Variants in MEGF9 observed in about 807,000 individuals in gnomAD.
MEGF9 encodes multiple epidermal growth factor-like domains protein 9.
In MEGF9, 6 loss-of-function variants were observed where a neutral mutation model predicts 46.8. The observed-to-expected ratio is 0.13, with a 90% confidence interval of 0.07 to 0.25. The LOEUF (loss-of-function observed/expected upper bound fraction) is 0.25, where lower values mean the gene tolerates loss of function less well. Among genes scored for constraint, MEGF9 ranks in the 10% least tolerant of loss-of-function variants. MEGF9 has a pLI of 1.00. For missense variants in MEGF9, 683 were observed against 792.4 expected (o/e 0.86, Z 1.66); for synonymous variants, 302 against 330.7 (o/e 0.91, Z 0.94).
In MEGF9 at chr9:120,632,368, G is replaced by A. The variant is rs1483629632; in HGVS notation, c.804-9613C>T. On this transcript the variant is annotated intron_variant, in intron 2 of 5. Coordinates refer to ENST00000373930, the MANE Select transcript of MEGF9 (RefSeq NM_001080497.3). Reference sequence around the variant, plus strand: ...TTTTTTTTTGGAGCTATTTTAAATAGGATTGGTTTTTTAAATTTCTTTTTC... The same window carrying A: ...TTTTTTTTTGGAGCTATTTTAAATAAGATTGGTTTTTTAAATTTCTTTTTC... Among the ~76,000 whole-genome samples, 3 of 147,088 alleles carry A rather than the reference G, an allele frequency of 2.0e-5. No individual in the cohort carries two copies. In the East Asian group the frequency reaches 6.0e-4, roughly 29 times the overall value.
At chr9:120,672,798 C>T (rs1349121369) in intron 1 of MEGF9, among the ~76,000 whole-genome samples, 3 of 151,918 alleles carry the variant, frequency 2.0e-5, no homozygotes, top group Non-Finnish European at 4.4e-5. Flanking sequence ...CCGAGGCAGG[C>T]GGATCACCTG....
chr9:120,709,641 A>T (rs915346037), intron 1 of MEGF9, among the ~76,000 whole-genome samples: 1 of 152,200 alleles, frequency 6.6e-6, no homozygotes, highest in Non-Finnish European at 1.5e-5. Flanking sequence ...TCAGTTAACT[A>T]AAGTAAGAAA....
intron 3 of MEGF9, among the ~76,000 whole-genome samples, chr9:120,616,610 C>A (rs940041350): frequency 3.5e-5 from 5 of 143,258 alleles, no homozygotes; most frequent in Non-Finnish European, 7.5e-5. Context: ...ATCCGGGAGG[C>A]GGAGCTTGCA....
At chr9:120,635,581 T>C (rs2043570640) in intron 2 of MEGF9, among the ~76,000 whole-genome samples, 1 of 152,150 alleles carries the variant, frequency 6.6e-6, no homozygotes, top group South Asian at 2.1e-4. Context: ...GGGATTCTTT[T>C]GCTGGATTCT....
intron 1 of MEGF9, among the ~76,000 whole-genome samples, chr9:120,688,735 G>T (rs1439511615): frequency 1.3e-5 from 2 of 152,094 alleles, no homozygotes; most frequent in Non-Finnish European, 2.9e-5. Context: ...GACATAGGAA[G>T]CGTATGGTAA....
intron 1 of MEGF9, among the ~76,000 whole-genome samples, chr9:120,704,469 A>G (rs1261880828): frequency 6.6e-6 from 1 of 152,238 alleles, no homozygotes; most frequent in Non-Finnish European, 1.5e-5. Flanking sequence ...TATAGTGTCT[A>G]GGAAAGAAAA....
At chr9:120,701,651 T>C (rs1021166660) in intron 1 of MEGF9, among the ~76,000 whole-genome samples, 7 of 152,218 alleles carry the variant, frequency 4.6e-5, no homozygotes, top group African/African-American at 1.7e-4. Context: ...AATATATTGA[T>C]AAAGACTATG....
In MEGF9 at chr9:120,713,808, C is replaced by T. The variant is rs1307808101; in HGVS notation, c.551G>A (p.Ser184Asn). The T allele has an allele frequency of 5.4e-6, 7 of 1,297,658 alleles. No individual in the cohort carries two copies. The highest frequency in any genetic ancestry group is 2.6e-4 in the Middle Eastern group (1 of 3,826). 80.4% of individuals were successfully genotyped at this position (1,297,658 alleles called of 1,614,324 possible). A position where few individuals can be genotyped will look rare whatever the true frequency, so the allele number is the denominator to read the frequency against. ...TPDLPSSSNS[S>N]VLPTPPATEA... ...GGTGGCAGGTGGGGTGGGGAGGACG[C>T]TGCTGTTGCTGCTGCTGGGGAGATC... Residue 184 changes from serine to asparagine, a missense_variant, in exon 1 of 6, where the codon AGC (serine) becomes AAC (asparagine). Around this residue, in one of 2 missense-constraint regions of MEGF9, gnomAD observed 370 missense variants for 371.3 expected, o/e 1.00. Coordinates refer to ENST00000373930, the MANE Select transcript of MEGF9 (RefSeq NM_001080497.3).
chr9:120,673,969 C>CA (rs35650740), intron 1 of MEGF9, among the ~76,000 whole-genome samples: 64,482 of 101,802 alleles, frequency 0.63, 20,472 homozygotes, highest in South Asian at 0.77. Context: ...GACTCCGTCT[C>CA]AAAAAAAAAA....
intron 2 of MEGF9, among the ~76,000 whole-genome samples, chr9:120,625,031 CA>C (rs1471203089): frequency 2.5e-4 from 38 of 152,178 alleles, no homozygotes; most frequent in African/African-American, 8.9e-4. Context: ...CCCAGCTACT[CA>C]GGAGGCTGAG....
At chr9:120,608,055 C>A (rs1206419960) in intron 4 of MEGF9, 45 bp from the exon 5 acceptor site, 1 of 1,594,450 alleles carries the variant, frequency 6.3e-7, no homozygotes, top group Non-Finnish European at 8.6e-7. Flanking sequence ...TCTGAAGCTA[C>A]AATTAAAAAT....
chr9:120,709,197 C>T (rs973209375), intron 1 of MEGF9, among the ~76,000 whole-genome samples: 1 of 151,974 alleles, frequency 6.6e-6, no homozygotes, highest in Non-Finnish European at 1.5e-5. Context: ...GAGGCTGAAG[C>T]GGGTAGATCA....
chr9:120,648,129 T>C (rs2043633595), intron 2 of MEGF9, among the ~76,000 whole-genome samples: 1 of 152,166 alleles, frequency 6.6e-6, no homozygotes, highest in Non-Finnish European at 1.5e-5. Flanking sequence ...CCACTCTTTC[T>C]AACCACCAGA....
At chr9:120,712,051 A>T (rs2043956574) in intron 1 of MEGF9, among the ~76,000 whole-genome samples, 1 of 152,096 alleles carries the variant, frequency 6.6e-6, no homozygotes, top group Non-Finnish European at 1.5e-5. Flanking sequence ...GAGTTCAGGA[A>T]CTCAAGACTA....
chr9:120,657,766 C>A (rs2043684073), intron 2 of MEGF9, among the ~76,000 whole-genome samples: 1 of 152,182 alleles, frequency 6.6e-6, no homozygotes, highest in Non-Finnish European at 1.5e-5. Flanking sequence ...ATTATAGAAT[C>A]TACATGCTAC....
intron 2 of MEGF9, among the ~76,000 whole-genome samples, chr9:120,650,168 C>T (rs796636610): frequency 2.7e-4 from 41 of 152,250 alleles, no homozygotes; most frequent in African/African-American, 9.6e-4. Context: ...ACTTGGGAGG[C>T]TGAGGCAGAG....
At chr9:120,622,452 A>T (rs1296500402) in intron 3 of MEGF9, among the ~76,000 whole-genome samples, 164 bp downstream of exon 3, 2 of 114,264 alleles carry the variant, frequency 1.8e-5, no homozygotes, top group African/African-American at 6.7e-5. Flanking sequence ...GTACTTTTTC[A>T]AGTTTGTTGT....
intron 1 of MEGF9, among the ~76,000 whole-genome samples, chr9:120,678,596 C>T (rs2043784017): frequency 6.6e-6 from 1 of 152,176 alleles, no homozygotes. Context: ...CCTCAGCCTC[C>T]TGAACAGCTG....
chr9:120,682,590 C>CAG lies in MEGF9; in HGVS notation c.602-23016_602-23015insCT, dbSNP rs397824695. ...CAATTCTTACACACACACACACACA[C>CAG]GCACACACATATATTTGAAACAGGG... is the stretch of plus-strand genomic sequence containing the variant. On this transcript the variant is annotated intron_variant, in intron 1 of 5. Coordinates refer to ENST00000373930, the MANE Select transcript of MEGF9 (RefSeq NM_001080497.3). 1.8e-4 allele frequency among the ~76,000 whole-genome samples: 28 copies of CAG among 151,982 alleles called. No homozygotes were observed. In the East Asian group the frequency reaches 5.2e-3, roughly 28 times the overall value.
Sources: allele counts gnomAD v4.1 joint callset (sites outside exome capture counted in the v4.1 genomes callset), GRCh38; gene constraint gnomAD v4.1.1; regional missense constraint gnomAD v4.1.1; transcripts MANE v1.5; gene names NCBI Gene and HGNC (gene_info 2026-07-23, HGNC 2026-07-21).